Variants in STAT4 observed in about 807,000 individuals in gnomAD.
The protein encoded by STAT4 is signal transducer and activator of transcription 4.
A neutral mutation model predicts 110.5 loss-of-function variants in STAT4; 42 were observed. The observed-to-expected ratio is 0.38, with a 90% confidence interval of 0.30 to 0.49. The LOEUF is 0.49. Ranked by LOEUF, STAT4 falls within the 20% of genes least tolerant of loss-of-function variation. The probability of loss-of-function intolerance (pLI) is 0.95; values close to 1 mark genes in which losing one functional copy is unlikely to be tolerated. For synonymous variants in STAT4, 284 were observed against 302.2 expected (o/e 0.94, Z 0.63); for missense variants, 632 against 887.9 (o/e 0.71, Z 3.66).
At position 191,107,318 on chromosome 2, in the gene STAT4, T is replaced by A. The variant is rs1000478811; in HGVS notation, c.274-30993A>T. On this transcript the variant is annotated intron_variant, in intron 3 of 23. Coordinates refer to ENST00000392320, the MANE Select transcript of STAT4 (RefSeq NM_003151.4). The surrounding 1 kb of genome is among the most constrained non-coding windows in gnomAD (Gnocchi z 4.2). Reference sequence around the variant, plus strand: ...TCCATCTTTATTTCTTCCTTACAATTTTCCTGCCTGTTAACAATCTTAAAG... The same window carrying A: ...TCCATCTTTATTTCTTCCTTACAATATTCCTGCCTGTTAACAATCTTAAAG... Among the ~76,000 whole-genome samples the A allele has an allele frequency of 6.6e-6, 1 of 152,184 alleles. No homozygotes were observed. The highest frequency in any genetic ancestry group is 1.5e-5 in the Non-Finnish European group (1 of 68,034).
rs537500357 is a variant in STAT4, at chr2:191,075,848, T to TG, written c.372+378_372+379insC. Among the ~76,000 whole-genome samples, 21 of 148,780 alleles carry TG rather than the reference T, an allele frequency of 1.4e-4. 1 individual carries two copies. The South Asian group carries it at 4.5e-3, about 32-fold the overall frequency. ...TCCTTTCTTTCTTTCTTTTTTTTTT[T>TG]TTTTTTTTGTTTTGTTTTAAAGACA... On this transcript the variant is annotated intron_variant, in intron 4 of 23. Coordinates refer to ENST00000392320, the MANE Select transcript of STAT4 (RefSeq NM_003151.4).
intron 3 of STAT4, among the ~76,000 whole-genome samples, chr2:191,103,792 T>C (rs971834822): frequency 1.3e-5 from 2 of 152,218 alleles, no homozygotes; most frequent in Admixed American, 6.5e-5. Context: ...CCCTTTTTCA[T>C]ATTATTTTAA....
chr2:191,073,076 G>T, intron 5 of STAT4, 22 bp downstream of exon 5: 1 of 1,595,836 alleles, frequency 6.3e-7, no homozygotes, highest in Non-Finnish European at 8.6e-7. Flanking sequence ...GACTTTCTAG[G>T]TATCTGTATA....
rs1696842123 is a variant in STAT4, at chr2:191,061,352, C to T, written c.1034+377G>A. Among the ~76,000 whole-genome samples the T allele has an allele frequency of 6.6e-6, 1 of 152,102 alleles. No homozygotes were observed. Among genetic ancestry groups the T allele is most frequent in the South Asian group, 2.1e-4 (1 of 4,822 alleles). ...TCAATTCTGTCTCTTCCCTGCTCCC[C>T]ACGATTACCAGACAGAGCCAGGAAG... On this transcript the variant is annotated intron_variant, in intron 10 of 23. Transcript: ENST00000392320. The surrounding 1 kb of genome is among the most constrained non-coding windows in gnomAD (Gnocchi z 6.2).
chr2:191,036,494 G>A (rs779256632), intron 16 of STAT4, among the ~76,000 whole-genome samples, 195 bp from the exon 17 acceptor site: 4 of 152,094 alleles, frequency 2.6e-5, no homozygotes, highest in Non-Finnish European at 5.9e-5. Flanking sequence ...GGGAACAAGC[G>A]TGTCCTAATA....
intron 4 of STAT4, among the ~76,000 whole-genome samples, chr2:191,075,628 A>C (rs1230755131): frequency 6.6e-6 from 1 of 152,146 alleles, no homozygotes; most frequent in African/African-American, 2.4e-5. Flanking sequence ...GAGTGTGGCC[A>C]GTACAAATGG....
In STAT4 at chr2:191,118,901, T is replaced by C. The variant is rs533964849; in HGVS notation, c.273+27712A>G. On this transcript the variant is annotated intron_variant, in intron 3 of 23. Transcript: ENST00000392320. ...AGCTTCTCACGGAGCTGGAAGTAAA[T>C]GTGCATGCCACCACGCCTGGCTAAG... Among the ~76,000 whole-genome samples the C allele has an allele frequency of 2.6e-5, 4 of 152,214 alleles. No individual in the cohort carries two copies. The South Asian group carries it at 8.3e-4, about 32-fold the overall frequency.
At chr2:191,132,921 A>C (rs912840117) in intron 3 of STAT4, among the ~76,000 whole-genome samples, 2 of 151,144 alleles carry the variant, frequency 1.3e-5, no homozygotes, top group African/African-American at 4.9e-5. Flanking sequence ...TGCCCGGCTA[A>C]TTTTTTGTAT....
rs144167762 is a variant in STAT4, at chr2:191,138,612, T to TA, written c.273+8000dup. ...AAGCAGCAAAATTGAATCAGTAGTT[T>TA]AAAAAAAATTGCCAACCAAAAAAGT... On this transcript the variant is annotated intron_variant, in intron 3 of 23. Transcript: ENST00000392320. The surrounding 1 kb of genome is among the most constrained non-coding windows in gnomAD (Gnocchi z 4.3). Among the ~76,000 whole-genome samples the TA allele has an allele frequency of 0.073, 11,164 of 151,912 alleles. 558 individuals carry two copies. The highest frequency in any genetic ancestry group is 0.11 in the Non-Finnish European group (7,675 of 67,892).
At position 191,077,803 on chromosome 2, in the gene STAT4, TAC is replaced by T. The variant is rs1234238042; in HGVS notation, c.274-1480_274-1479del. On this transcript the variant is annotated intron_variant, in intron 3 of 23. Coordinates refer to ENST00000392320, the MANE Select transcript of STAT4 (RefSeq NM_003151.4). The surrounding 1 kb of genome is among the most constrained non-coding windows in gnomAD (Gnocchi z 4.1). The stretch of plus-strand genomic sequence containing the variant: ...TCTGAATTCCTGCTCTTACATATTT[TAC>T]AGTCTTCCAAACTCTTTCTTTTTTC... Among the ~76,000 whole-genome samples the T allele has an allele frequency of 6.6e-6, 1 of 152,178 alleles. No homozygotes were observed. The highest frequency in any genetic ancestry group is 2.4e-5 in the African/African-American group (1 of 41,462).
At chr2:191,106,369 A>G (rs1268985991) in intron 3 of STAT4, among the ~76,000 whole-genome samples, 1 of 152,096 alleles carries the variant, frequency 6.6e-6, no homozygotes, top group African/African-American at 2.4e-5. Flanking sequence ...TTAGAAAAAA[A>G]AAAAATTAGG....
Position 191,058,254 on chromosome 2 carries a change from T to C in STAT4, c.1095-35A>G. 6.4e-7 allele frequency: 1 copy of C among 1,570,150 alleles called. No homozygotes were observed. Among genetic ancestry groups the C allele is most frequent in the Middle Eastern group, 1.9e-4 (1 of 5,138 alleles). On this transcript the variant is annotated intron_variant, in intron 11 of 23. Transcript: ENST00000392320. The surrounding 1 kb of genome is among the most constrained non-coding windows in gnomAD (Gnocchi z 4.3). ...CAAGAAGATTCTTTAAAACAAGCTATTTAATAGATCTAGGAATAACTTTCT... is the reference window on the plus strand; with the variant it reads ...CAAGAAGATTCTTTAAAACAAGCTACTTAATAGATCTAGGAATAACTTTCT...
rs1418238155 is a variant in STAT4 at position 191,064,101 on chromosome 2, T to C, written c.782+706A>G. On this transcript the variant is annotated intron_variant, in intron 8 of 23. Transcript: ENST00000392320. ...ACATTTCATTGCATGTGTGCATACA[T>C]AGATCGGGAATGCCAGCTTGTATTA... Among the ~76,000 whole-genome samples the C allele has an allele frequency of 3.3e-5, 5 of 152,256 alleles. No homozygotes were observed. The East Asian group carries it at 9.6e-4, about 29-fold the overall frequency.
At chr2:191,124,960 A>C (rs1197475015) in intron 3 of STAT4, among the ~76,000 whole-genome samples, 3 of 152,218 alleles carry the variant, frequency 2.0e-5, no homozygotes, top group Non-Finnish European at 4.4e-5. Flanking sequence ...CAGTGTTGCC[A>C]GAGAAGTCTC....
In STAT4 at chr2:191,037,521, GA is replaced by G. The variant is rs1185324952; in HGVS notation, c.1435-1223del. 6.6e-6 allele frequency among the ~76,000 whole-genome samples: 1 copy of G among 152,126 alleles called. No individual in the cohort carries two copies. Among genetic ancestry groups the G allele is most frequent in the Admixed American group, 6.5e-5 (1 of 15,272 alleles). ...TGCCAGAAACCAGGTCAACAATAGTGAAACATAAGACTCTGTCCCAGATTAC... is the reference window on the plus strand; with the variant it reads ...TGCCAGAAACCAGGTCAACAATAGTGAACATAAGACTCTGTCCCAGATTAC... On this transcript the variant is annotated intron_variant, in intron 16 of 23. Transcript: ENST00000392320. The surrounding 1 kb of genome is among the most constrained non-coding windows in gnomAD (Gnocchi z 4.8).
At position 191,060,670 on chromosome 2, in the gene STAT4, C is replaced by T. The variant is rs1400250343; in HGVS notation, c.1034+1059G>A. On this transcript the variant is annotated intron_variant, in intron 10 of 23. Transcript: ENST00000392320. This position sits in a 1 kb window ranked among gnomAD's most constrained non-coding sequence, Gnocchi z 4.5. ...CTGACCTCAGGTGATCTGCCTTCCT[C>T]AGGCTCCCAAAGTGCTGGGATTATA... Among the ~76,000 whole-genome samples, 2 of 152,174 alleles carry T rather than the reference C, an allele frequency of 1.3e-5. No individual in the cohort carries two copies. The highest frequency in any genetic ancestry group is 2.9e-5 in the Non-Finnish European group (2 of 68,026).
At position 191,062,621 on chromosome 2, in the gene STAT4, A is replaced by G. The variant is rs569740659; in HGVS notation, c.941+141T>C. On this transcript the variant is annotated intron_variant, in intron 9 of 23. Coordinates refer to ENST00000392320, the MANE Select transcript of STAT4 (RefSeq NM_003151.4). The surrounding 1 kb of genome is among the most constrained non-coding windows in gnomAD (Gnocchi z 4.9). ...GAAGAGTAGAAATGTGGTTTCTAAA[A>G]CTTTCTGGGGTTCTATTCACTTCTC... is the stretch of plus-strand genomic sequence containing the variant. 10 of 849,654 alleles carry G rather than the reference A, an allele frequency of 1.2e-5. No individual in the cohort carries two copies. In the Admixed American group the frequency reaches 2.2e-4, roughly 18 times the overall value. 52.6% of individuals were successfully genotyped at this position (849,654 alleles called of 1,614,324 possible).
chr2:191,109,968 T>G (rs1698381708), intron 3 of STAT4, among the ~76,000 whole-genome samples: 1 of 152,126 alleles, frequency 6.6e-6, no homozygotes, highest in South Asian at 2.1e-4. Flanking sequence ...CCCTTAAGGC[T>G]GTTAGGTTTC....
At chr2:191,055,455 G>A (rs1234493646) in intron 13 of STAT4, among the ~76,000 whole-genome samples, 2 of 142,628 alleles carry the variant, frequency 1.4e-5, no homozygotes, top group Non-Finnish European at 3.0e-5. Flanking sequence ...TCCTGACTTC[G>A]TGATCCACCC....
Sources: gnomAD v4.1 joint callset for allele counts (sites outside exome capture counted in the v4.1 genomes callset) on GRCh38, gnomAD v4.1.1 for gene constraint, Gnocchi (gnomAD v3.1) non-coding constraint, MANE v1.5 for transcripts, NCBI Gene and HGNC (gene_info 2026-07-23, HGNC 2026-07-21) for gene names.